The following TMEM232 variants were observed in gnomAD, a reference collection of about 807,000 sequenced individuals.
TMEM232 encodes the protein transmembrane protein 232.
In TMEM232, 80 loss-of-function variants were observed where a neutral mutation model predicts 78.8. The ratio of observed to expected loss-of-function variants is 1.01; its 90% CI spans 0.85 to 1.22. TMEM232 has a LOEUF of 1.22. TMEM232 is among the 50% of genes most tolerant of loss of function. The pLI is 0.00. For synonymous variants in TMEM232, 297 were observed against 254.3 expected, an observed-to-expected ratio of 1.17 and a Z score of -1.60; for missense variants, 881 against 742.2, an observed-to-expected ratio of 1.19 and a Z score of -2.17.
chr5:110,561,385 G>C (rs1356714407), intron 11 of TMEM232, among the ~76,000 whole-genome samples: 1 of 151,744 alleles, frequency 6.6e-6, no homozygotes, highest in Non-Finnish European at 1.5e-5. Flanking sequence ...GTGTGTGTGT[G>C]TGTATATGTG....
intron 1 of TMEM232, chr5:110,720,845 A>G (rs1797516745): frequency 1.3e-5 from 2 of 152,148 alleles, no homozygotes; most frequent in Non-Finnish European, 2.9e-5. Context: ...CTGTTGATGC[A>G]CTGTCATTTA....
chr5:110,490,121 A>AAAAGAAAG (rs201189138), intron 12 of TMEM232, among the ~76,000 whole-genome samples: 8,491 of 110,386 alleles, frequency 0.077, 561 homozygotes, highest in East Asian at 0.1. Context: ...CTCCGTTTCA[A>AAAAGAAAG]AAAGAAAGAA....
rs1041709587 is a variant in TMEM232, at chr5:110,435,579, A to G, written c.1704-10663T>C. 2.0e-5 allele frequency among the ~76,000 whole-genome samples: 3 copies of G among 151,868 alleles called. No individual in the cohort carries two copies. The South Asian group carries it at 6.2e-4, about 31-fold the overall frequency. On this transcript the variant is annotated intron_variant, in intron 12 of 13. Coordinates refer to ENST00000455884, the MANE Select transcript of TMEM232 (RefSeq NM_001039763.4). ...TTCTTTCTAATTTTTGTACCCATTA[A>G]TCATCCCCACTCCCCTCCCGACTTC...
intron 11 of TMEM232, among the ~76,000 whole-genome samples, chr5:110,553,862 T>C (rs1442763899): frequency 2.0e-5 from 3 of 152,170 alleles, no homozygotes; most frequent in Non-Finnish European, 4.4e-5. Flanking sequence ...TTGTCATAGA[T>C]GACTCTTATT....
chr5:110,602,450 G>GAA (rs538342548), intron 10 of TMEM232, among the ~76,000 whole-genome samples: 3,627 of 149,510 alleles, frequency 0.024, 46 homozygotes, highest in African/African-American at 0.031. Flanking sequence ...AAATTTACAA[G>GAA]AAAAAAAAAC....
chr5:110,722,981 T>C (rs1420882492), intron 1 of TMEM232, among the ~76,000 whole-genome samples: 1 of 152,194 alleles, frequency 6.6e-6, no homozygotes, highest in African/African-American at 2.4e-5. Context: ...TTTCTTATAA[T>C]GTCCTTGTCT....
intron 12 of TMEM232, among the ~76,000 whole-genome samples, chr5:110,476,078 G>A (rs569794960): frequency 3.3e-5 from 5 of 151,948 alleles, no homozygotes; most frequent in African/African-American, 9.6e-5. Context: ...TTTCAACACT[G>A]AATTCTTTAG....
In TMEM232 at chr5:110,450,032, G is replaced by A. The variant is rs1052485063; in HGVS notation, c.1704-25116C>T. The stretch of plus-strand genomic sequence containing the variant: ...TCGCATATTTCCCCCTTGTTATTGT[G>A]ATAGTGAGTTCTCATGAAATCTGAT... On this transcript the variant is annotated intron_variant, in intron 12 of 13. Coordinates refer to ENST00000455884, the MANE Select transcript of TMEM232 (RefSeq NM_001039763.4). Among the ~76,000 whole-genome samples, 11 of 152,202 alleles carry A rather than the reference G, an allele frequency of 7.2e-5. No homozygotes were observed. The East Asian group carries it at 1.9e-3, about 27-fold the overall frequency.
chr5:110,391,653 A>T (rs898380003), intron 3 of TMEM232, among the ~76,000 whole-genome samples: 1 of 152,172 alleles, frequency 6.6e-6, no homozygotes, highest in Non-Finnish European at 1.5e-5. Context: ...GGACTAAAGC[A>T]TATTTAAGAA....
At chr5:110,602,783 A>G (rs1371788666) in intron 10 of TMEM232, among the ~76,000 whole-genome samples, 1 of 152,154 alleles carries the variant, frequency 6.6e-6, no homozygotes, top group Non-Finnish European at 1.5e-5. Context: ...CCCAGCAATT[A>G]CATTACTGGG....
chr5:110,558,802 C>T (rs1257071080), intron 11 of TMEM232, among the ~76,000 whole-genome samples: 1 of 152,182 alleles, frequency 6.6e-6, no homozygotes, highest in Non-Finnish European at 1.5e-5. Flanking sequence ...GCTCAAATGT[C>T]CGTGGGGATT....
intron 12 of TMEM232, among the ~76,000 whole-genome samples, chr5:110,524,415 GAAAAGAAAAGAAAA>G (rs1770213342): frequency 4.8e-5 from 3 of 62,882 alleles, no homozygotes; most frequent in South Asian, 1.1e-3. Context: ...AAGAAAGAAA[GAAAAGAAAAGAAAA>G]GAAAAGAAAA....
At chr5:110,706,488 C>T (rs1411516816) in intron 1 of TMEM232, among the ~76,000 whole-genome samples, 4 of 152,148 alleles carry the variant, frequency 2.6e-5, no homozygotes, top group Admixed American at 6.6e-5. Context: ...AGGAATACAA[C>T]TCTAACCAAA....
At chr5:110,730,613 G>A (rs1018975243), upstream of TMEM232, among the ~76,000 whole-genome samples, 2 of 152,004 alleles carry the variant, frequency 1.3e-5, no homozygotes, top group Admixed American at 6.6e-5. Flanking sequence ...CTTCTTACAT[G>A]GTGAAAGCAA....
rs1765478249 is a variant in TMEM232, at chr5:110,494,875, T to C, written c.1703+33713A>G. On this transcript the variant is annotated intron_variant, in intron 12 of 13. Transcript: ENST00000455884. ...TGAATACTACATATAGTATTATTTA[T>C]ATAAAGCAATTATCAAGCTAGACTA... 2.0e-5 allele frequency among the ~76,000 whole-genome samples: 3 copies of C among 151,826 alleles called. No individual in the cohort carries two copies. The South Asian group carries it at 6.2e-4, about 31-fold the overall frequency.
rs115920445 is a variant in TMEM232 at position 110,554,500 on chromosome 5, C to G, written c.1455+13947G>C. ...ATTAGGTCTTTCCCTCTAGAGAACCCTCACTAATACAAAAACCTACTTGAT... is the reference window on the plus strand; with the variant it reads ...ATTAGGTCTTTCCCTCTAGAGAACCGTCACTAATACAAAAACCTACTTGAT... On this transcript the variant is annotated intron_variant, in intron 11 of 13. Coordinates refer to ENST00000455884, the MANE Select transcript of TMEM232 (RefSeq NM_001039763.4). 5.4e-3 allele frequency among the ~76,000 whole-genome samples: 825 copies of G among 152,208 alleles called. 8 individuals carry two copies. The highest frequency in any genetic ancestry group is 0.019 in the African/African-American group (783 of 41,542).
intron 12 of TMEM232, among the ~76,000 whole-genome samples, chr5:110,493,361 C>T (rs150990035): frequency 1.4e-5 from 2 of 147,042 alleles, no homozygotes; most frequent in Non-Finnish European, 3.0e-5. Context: ...GAAGATTACA[C>T]GGGTCAATAG....
At chr5:110,503,434 T>C (rs1442427871) in intron 12 of TMEM232, among the ~76,000 whole-genome samples, 1 of 152,172 alleles carries the variant, frequency 6.6e-6, no homozygotes, top group East Asian at 1.9e-4. Flanking sequence ...ATTTCAGATA[T>C]GTTAAATTTG....
intron 2 of TMEM232, among the ~76,000 whole-genome samples, chr5:110,656,231 C>A (rs900978665): frequency 2.0e-5 from 3 of 152,108 alleles, no homozygotes; most frequent in Admixed American, 6.6e-5. Context: ...AAATGATTTA[C>A]TGATGTAAAT....
Sources: gnomAD v4.1 joint callset for allele counts (sites outside exome capture counted in the v4.1 genomes callset) on GRCh38, gnomAD v4.1.1 for gene constraint, MANE v1.5 for transcripts, NCBI Gene and HGNC (gene_info 2026-07-23, HGNC 2026-07-21) for gene names.